PCDHGA12: variants seen among roughly 807,000 people sequenced by gnomAD.
The protein encoded by PCDHGA12 is protocadherin gamma subfamily A, 12.
PCDHGA12 carries 43 observed loss-of-function variants against 61.1 expected under a neutral mutation model. That is an observed-to-expected ratio of 0.70 (90% CI 0.55 to 0.91). The LOEUF is 0.91. PCDHGA12 is among the 40% of genes least tolerant of loss of function. PCDHGA12 has a pLI of 0.00. For missense variants in PCDHGA12, 1,236 were observed against 1,227.7 expected (o/e 1.01, Z -0.10); for synonymous variants, 520 against 542.9 (o/e 0.96, Z 0.59).
chr5:141,445,621 G>A (rs1216813961), intron 1 of PCDHGA12, among the ~76,000 whole-genome samples: 4 of 151,996 alleles, frequency 2.6e-5, no homozygotes, highest in African/African-American at 7.2e-5. Flanking sequence ...TCTTTTTTTC[G>A]GAAAGTGATA....
At chr5:141,482,528 T>C (rs945815289) in intron 1 of PCDHGA12, among the ~76,000 whole-genome samples, 1 of 56,520 alleles carries the variant, frequency 1.8e-5, no homozygotes, top group Non-Finnish European at 2.8e-5. Flanking sequence ...GAGACAGACA[T>C]GCAAAAAAAA....
chr5:141,472,337 C>T (rs1327386198), intron 1 of PCDHGA12, among the ~76,000 whole-genome samples: 1 of 151,764 alleles, frequency 6.6e-6, no homozygotes, highest in Non-Finnish European at 1.5e-5. Context: ...GTTGGGAGAT[C>T]GAGACCATCC....
Position 141,490,798 on chromosome 5 carries a change from C to A in PCDHGA12, c.2425-4009C>A. 2 of 1,613,926 alleles carry A rather than the reference C, an allele frequency of 1.2e-6. No individual in the cohort carries two copies. Among genetic ancestry groups the A allele is most frequent in the South Asian group, 2.2e-5 (2 of 91,074 alleles). ...AGAGGATGGACGGATCTTTGCCCAG[C>A]GTACCTTTGACTATGAATTGCTGCA... On this transcript the variant is annotated intron_variant, in intron 1 of 3. Transcript: ENST00000252085. This position sits in a 1 kb window ranked among gnomAD's most constrained non-coding sequence, Gnocchi z 5.4.
Position 141,486,266 on chromosome 5 carries a change from C to G in PCDHGA12, c.2425-8541C>G, listed in dbSNP as rs1311684194. On this transcript the variant is annotated intron_variant, in intron 1 of 3. Transcript: ENST00000252085. The surrounding 1 kb of genome is among the most constrained non-coding windows in gnomAD (Gnocchi z 5.0). Reference sequence around the variant, plus strand: ...TGGAACCCTCCCCGAGAGTGCAGAACCTGGCACTGTGGTGGCACTTATCAG... The same window carrying G: ...TGGAACCCTCCCCGAGAGTGCAGAAGCTGGCACTGTGGTGGCACTTATCAG... 1 of 1,614,098 alleles carries G rather than the reference C, an allele frequency of 6.2e-7. No individual in the cohort carries two copies.
At chr5:141,488,951 A>G (rs2099680664) in intron 1 of PCDHGA12, among the ~76,000 whole-genome samples, 1 of 152,118 alleles carries the variant, frequency 6.6e-6, no homozygotes, top group Admixed American at 6.5e-5. Flanking sequence ...ATTGGTTGAG[A>G]GCACACAGAC....
At chr5:141,496,164 C>T (rs745320704) in intron 2 of PCDHGA12, among the ~76,000 whole-genome samples, 1 of 152,084 alleles carries the variant, frequency 6.6e-6, no homozygotes, top group Non-Finnish European at 1.5e-5. Context: ...CCACCAGACA[C>T]CCTCCCATCC....
rs1471863168 is a variant in PCDHGA12, at chr5:141,476,550, G to A, written c.2425-18257G>A. ...ACCCAGGAAATGAAATTGGAGATTA[G>A]CGAGGCCGTGGCTCCGGGGACGCGC... On this transcript the variant is annotated intron_variant, in intron 1 of 3. Transcript: ENST00000252085. The surrounding 1 kb of genome is among the most constrained non-coding windows in gnomAD (Gnocchi z 7.6). 1.2e-6 allele frequency: 2 copies of A among 1,614,110 alleles called. No individual in the cohort carries two copies. The highest frequency in any genetic ancestry group is 4.5e-5 in the East Asian group (2 of 44,884).
rs551129846 is a variant in PCDHGA12, at chr5:141,432,711, A to T, written c.1952A>T (p.Gln651Leu). 5 of 1,613,944 alleles carry T rather than the reference A, an allele frequency of 3.1e-6. No individual in the cohort carries two copies. The Admixed American group carries it at 8.3e-5, about 27-fold the overall frequency. ...SLVVAVQDHGQPPLSATVTLT... is the reference protein window; with the variant it reads ...SLVVAVQDHGLPPLSATVTLT... ...GTAGTGGCCGTCCAGGACCACGGCCAGCCCCCTCTCTCCGCCACTGTCACG... is the reference window on the plus strand; with the variant it reads ...GTAGTGGCCGTCCAGGACCACGGCCTGCCCCCTCTCTCCGCCACTGTCACG... The change falls in exon 1 of 4, where the codon CAG becomes CTG. Residue 651 changes from glutamine to leucine, a missense_variant. Physicochemically the swap from Gln to Leu is moderately radical, Grantham distance 113 (BLOSUM62 -2). Transcript: ENST00000252085. This position sits in a 1 kb window ranked among gnomAD's most constrained non-coding sequence, Gnocchi z 6.0.
Position 141,476,702 on chromosome 5 carries a change from C to CTGG in PCDHGA12, c.2425-18102_2425-18100dup, listed in dbSNP as rs1562056101. On this transcript the variant is annotated intron_variant, in intron 1 of 3. Coordinates refer to ENST00000252085, the MANE Select transcript of PCDHGA12 (RefSeq NM_003735.3). This position sits in a 1 kb window ranked among gnomAD's most constrained non-coding sequence, Gnocchi z 7.6. ...GGAGGACAGCACCAAGTACGCGGAG[C>CTGG]TGGTGTTGGAGCGCGCCCTGGACCG... 5 of 1,614,222 alleles carry CTGG rather than the reference C, an allele frequency of 3.1e-6. No homozygotes were observed. The highest frequency in any genetic ancestry group is 4.2e-6 in the Non-Finnish European group (5 of 1,180,042).
chr5:141,498,971 G>GGGAA (rs201769957), intron 2 of PCDHGA12, among the ~76,000 whole-genome samples: 8,226 of 110,874 alleles, frequency 0.074, 335 homozygotes, highest in Middle Eastern at 0.11. Flanking sequence ...GAGGGAGGGA[G>GGGAA]GGAAGGAAGG....
intron 1 of PCDHGA12, chr5:141,441,114 T>A (rs1239606502): frequency 6.6e-6 from 1 of 152,218 alleles, no homozygotes; most frequent in Non-Finnish European, 1.5e-5. Context: ...TTGTCCAGTG[T>A]ACAGTTGAGA....
chr5:141,447,064 C>T (rs1453083716), intron 1 of PCDHGA12, among the ~76,000 whole-genome samples: 1 of 152,064 alleles, frequency 6.6e-6, no homozygotes, highest in Non-Finnish European at 1.5e-5. Context: ...ATGTGTCAGG[C>T]TGTTTTAATT....
At position 141,433,142 on chromosome 5, in the gene PCDHGA12, G is replaced by T. The variant is rs2097571106; in HGVS notation, c.2383G>T (p.Gly795Cys). Residue 795 changes from glycine (G) to cysteine (C), a missense_variant, in exon 1 of 4, where the codon GGT becomes TGT. Coordinates refer to ENST00000252085, the MANE Select transcript of PCDHGA12 (RefSeq NM_003735.3). ...AAAAAGCGAGCCCCTTTTGCTGTCA[G>T]GTGATTCGGTATTTTCTAAAGACAG... ...FEKSEPLLLS[G>C]DSVFSKDSHG... The T allele has an allele frequency of 4.7e-5, 76 of 1,613,992 alleles. No homozygotes were observed. Among genetic ancestry groups the T allele is most frequent in the Non-Finnish European group, 6.4e-5 (76 of 1,180,016 alleles).
chr5:141,505,803 C>T (rs920849273), intron 3 of PCDHGA12, among the ~76,000 whole-genome samples: 29 of 152,116 alleles, frequency 1.9e-4, no homozygotes, highest in African/African-American at 6.5e-4. Flanking sequence ...GGACTTGGAT[C>T]GACTTGCTCA....
chr5:141,487,004 C>G lies in PCDHGA12; in HGVS notation c.2425-7803C>G. 1 of 1,614,224 alleles carries G rather than the reference C, an allele frequency of 6.2e-7. No homozygotes were observed. The highest frequency in any genetic ancestry group is 1.1e-5 in the South Asian group (1 of 91,086). On this transcript the variant is annotated intron_variant, in intron 1 of 3. Transcript: ENST00000252085. This position sits in a 1 kb window ranked among gnomAD's most constrained non-coding sequence, Gnocchi z 5.0. ...CAATGCTTGGGTTTCCTATCAGCTC[C>G]TGGAGGCCCCAGATCCCAGCCTGTT...
intron 3 of PCDHGA12, chr5:141,508,338 A>T (rs1245526252): frequency 1.3e-5 from 2 of 152,224 alleles, no homozygotes; most frequent in Non-Finnish European, 2.9e-5. Flanking sequence ...AACTGACTCT[A>T]CAGAAAGTCA....
In PCDHGA12 at chr5:141,498,823, C is replaced by A. The variant is rs540865523; in HGVS notation, c.2483+3958C>A. ...TGGTGCACACCTGTAGTCCCAGCTA[C>A]TCAGGAGGCTGAGGCAGGGGAATCG... On this transcript the variant is annotated intron_variant, in intron 2 of 3. Coordinates refer to ENST00000252085, the MANE Select transcript of PCDHGA12 (RefSeq NM_003735.3). Among the ~76,000 whole-genome samples the A allele has an allele frequency of 9.2e-5, 14 of 152,166 alleles. No homozygotes were observed. The East Asian group carries it at 1.5e-3, about 17-fold the overall frequency.
intron 2 of PCDHGA12, among the ~76,000 whole-genome samples, chr5:141,499,983 C>T (rs765029745): frequency 5.3e-5 from 8 of 151,352 alleles, no homozygotes; most frequent in African/African-American, 9.7e-5. Context: ...CCACCTTGCC[C>T]GGCCAGATGA....
At chr5:141,460,488 T>C (rs1226287742) in intron 1 of PCDHGA12, among the ~76,000 whole-genome samples, 1 of 152,186 alleles carries the variant, frequency 6.6e-6, no homozygotes, top group Admixed American at 6.6e-5. Flanking sequence ...ATTGTCTCTT[T>C]GGAAAAATAT....
Sources: allele counts gnomAD v4.1 joint callset (sites outside exome capture counted in the v4.1 genomes callset), GRCh38; gene constraint gnomAD v4.1.1; non-coding constraint Gnocchi (gnomAD v3.1); transcripts MANE v1.5; gene names NCBI Gene and HGNC (gene_info 2026-07-23, HGNC 2026-07-21).